XRRA1: variants seen among roughly 807,000 people sequenced by gnomAD.
XRRA1 encodes X-ray radiation resistance-associated protein 1.
In XRRA1, 69 loss-of-function variants were observed where a neutral mutation model predicts 80.2. The ratio of observed to expected loss-of-function variants is 0.86; its 90% CI spans 0.71 to 1.05. The LOEUF is 1.05. XRRA1 is among the 50% of genes least tolerant of loss of function. The probability of loss-of-function intolerance (pLI) is 0.00; values close to 1 mark genes in which losing one functional copy is unlikely to be tolerated. For synonymous variants in XRRA1, 348 were observed against 389.9 expected, an observed-to-expected ratio of 0.89 and a Z score of 1.27; for missense variants, 967 against 976.4, an observed-to-expected ratio of 0.99 and a Z score of 0.13.
intron 10 of XRRA1, among the ~76,000 whole-genome samples, chr11:74,879,303 T>C (rs1201618045): frequency 2.6e-5 from 4 of 151,866 alleles, no homozygotes; most frequent in Non-Finnish European, 5.9e-5. Context: ...GTGATTTTTG[T>C]ACATTGACTT....
chr11:74,850,066 C>T (rs886649513), intron 14 of XRRA1, among the ~76,000 whole-genome samples: 2 of 152,136 alleles, frequency 1.3e-5, no homozygotes, highest in African/African-American at 2.4e-5. Flanking sequence ...TCTCATTTGG[C>T]CACTGGCATC....
chr11:74,895,163 G>C (rs767319939), intron 10 of XRRA1, among the ~76,000 whole-genome samples: 2 of 152,222 alleles, frequency 1.3e-5, no homozygotes, highest in Non-Finnish European at 2.9e-5. Context: ...GTATTGAGGA[G>C]GGCAGGAGAG....
chr11:74,851,949 G>T, intron 13 of XRRA1, 40 bp downstream of exon 13: 1 of 1,561,720 alleles, frequency 6.4e-7, no homozygotes. Flanking sequence ...CTGCTCCTTG[G>T]GCACTGGGTT....
chr11:74,937,539 T>G (rs970361115), intron 3 of XRRA1, among the ~76,000 whole-genome samples: 7 of 151,720 alleles, frequency 4.6e-5, no homozygotes, highest in Admixed American at 2.6e-4. Flanking sequence ...TTCCCAGACC[T>G]CTATCAGTAT....
intron 12 of XRRA1, among the ~76,000 whole-genome samples, chr11:74,856,733 A>G (rs928924035): frequency 4.6e-5 from 7 of 152,222 alleles, no homozygotes; most frequent in Admixed American, 3.3e-4. Flanking sequence ...AGCCTTCCTC[A>G]GTGGTGTGAG....
chr11:74,949,011 G>A lies in XRRA1; in HGVS notation c.-156C>T, dbSNP rs773066475. On this transcript the variant is annotated 5_prime_UTR_variant, in exon 1 of 19. Transcript: ENST00000684022. Reference sequence around the variant, plus strand: ...AGGGATGCGCGCCTGCGAGCCCCCCGGGGATCTCGGAGCCGCTCCACTGCG... The same window carrying A: ...AGGGATGCGCGCCTGCGAGCCCCCCAGGGATCTCGGAGCCGCTCCACTGCG... The A allele has an allele frequency of 6.3e-6, 2 of 318,476 alleles. No homozygotes were observed. Among genetic ancestry groups the A allele is most frequent in the South Asian group, 7.8e-5 (2 of 25,806 alleles). 19.7% of individuals were successfully genotyped at this position (318,476 alleles called of 1,614,324 possible).
intron 10 of XRRA1, among the ~76,000 whole-genome samples, chr11:74,905,888 C>T (rs182714523): frequency 6.6e-5 from 10 of 152,290 alleles, no homozygotes; most frequent in Admixed American, 5.9e-4. Flanking sequence ...ATTTCAACCT[C>T]ATTCTACAAA....
chr11:74,869,781 A>C (rs1273936600), intron 10 of XRRA1, among the ~76,000 whole-genome samples: 1 of 152,166 alleles, frequency 6.6e-6, no homozygotes, highest in Non-Finnish European at 1.5e-5. Flanking sequence ...CTGCCTCCTC[A>C]TCAGGCACCT....
chr11:74,940,931 A>G (rs772426561), intron 2 of XRRA1, 49 bp from the exon 3 acceptor site: 2 of 1,401,306 alleles, frequency 1.4e-6, no homozygotes, highest in Non-Finnish European at 2.0e-6. Flanking sequence ...GAAAAGGCAC[A>G]GCAGAGCACT....
At chr11:74,891,967 T>C (rs1452480766) in intron 10 of XRRA1, among the ~76,000 whole-genome samples, 1 of 152,154 alleles carries the variant, frequency 6.6e-6, no homozygotes, top group Admixed American at 6.5e-5. Context: ...ATTATGAAAA[T>C]GGCCATACTG....
intron 7 of XRRA1, among the ~76,000 whole-genome samples, chr11:74,926,347 G>C (rs763015176): frequency 1.6e-4 from 24 of 152,312 alleles, no homozygotes; most frequent in African/African-American, 4.6e-4. Flanking sequence ...ACAAGACCAG[G>C]TTAAGTGAGG....
chr11:74,912,173 A>T (rs775346975), intron 8 of XRRA1, among the ~76,000 whole-genome samples: 2 of 152,222 alleles, frequency 1.3e-5, no homozygotes, highest in Non-Finnish European at 2.9e-5. Flanking sequence ...GACTCTAGGT[A>T]CCAAAATAAA....
At chr11:74,868,211 G>A (rs1482203244) in intron 10 of XRRA1, among the ~76,000 whole-genome samples, 3 of 152,068 alleles carry the variant, frequency 2.0e-5, no homozygotes, top group African/African-American at 7.2e-5. Context: ...GAGCCACTGC[G>A]CTGGGCTCAA....
At chr11:74,877,176 A>C (rs1295738363) in intron 10 of XRRA1, among the ~76,000 whole-genome samples, 1 of 152,240 alleles carries the variant, frequency 6.6e-6, no homozygotes, top group African/African-American at 2.4e-5. Context: ...AGCCAAGGTT[A>C]ACACTAAAGT....
Position 74,907,239 on chromosome 11 carries a change from A to G in XRRA1, c.691T>C (p.Tyr231His). 6.2e-7 allele frequency: 1 copy of G among 1,613,914 alleles called. No individual in the cohort carries two copies. The highest frequency in any genetic ancestry group is 8.5e-7 in the Non-Finnish European group (1 of 1,179,872). Reference sequence around the variant, plus strand: ...TCCAGCGCTGGGAACCTCAGGATGTACCTCTTGCTTGTCAGCGATGTTACA... The same window carrying G: ...TCCAGCGCTGGGAACCTCAGGATGTGCCTCTTGCTTGTCAGCGATGTTACA... ...ASVTSLTSKRYILRFPALETL... is the reference protein window; with the variant it reads ...ASVTSLTSKRHILRFPALETL... Residue 231 changes from tyrosine (Y) to histidine (H), a missense_variant, in exon 9 of 19, where the codon TAC becomes CAC. Tyr to His is a moderately conservative substitution (Grantham distance 83, BLOSUM62 2). Coordinates refer to ENST00000684022, the MANE Select transcript of XRRA1 (RefSeq NM_001378157.1).
intron 10 of XRRA1, among the ~76,000 whole-genome samples, chr11:74,890,729 T>C (rs928615122): frequency 2.0e-5 from 3 of 152,156 alleles, no homozygotes; most frequent in African/African-American, 4.8e-5. Flanking sequence ...ATATCACCAC[T>C]GATCCCACAG....
chr11:74,880,669 T>A (rs2047310131), intron 10 of XRRA1, among the ~76,000 whole-genome samples: 1 of 151,476 alleles, frequency 6.6e-6, no homozygotes, highest in South Asian at 2.1e-4. Context: ...GTGTCTTTGT[T>A]CTCGTTGGTT....
At chr11:74,919,291 G>C (rs1301351752) in intron 8 of XRRA1, among the ~76,000 whole-genome samples, 1 of 152,068 alleles carries the variant, frequency 6.6e-6, no homozygotes. Flanking sequence ...GGGCGTGATG[G>C]GGGCATAGAT....
intron 10 of XRRA1, among the ~76,000 whole-genome samples, chr11:74,884,133 C>T (rs1192113817): frequency 6.6e-6 from 1 of 152,056 alleles, no homozygotes; most frequent in African/African-American, 2.4e-5. Flanking sequence ...CACTGCACTC[C>T]ATCCTGGGTG....
Sources: gnomAD v4.1 joint callset for allele counts (sites outside exome capture counted in the v4.1 genomes callset) on GRCh38, gnomAD v4.1.1 for gene constraint, MANE v1.5 for transcripts, NCBI Gene and HGNC (gene_info 2026-07-23, HGNC 2026-07-21) for gene names.